Variants in MYOF observed in about 807,000 individuals in gnomAD.
MYOF encodes the protein fer-1-like 3, myoferlin.
In MYOF, 244 loss-of-function variants were observed where a neutral mutation model predicts 284.2. The observed-to-expected ratio is 0.86, with a 90% CI of 0.77 to 0.95. The LOEUF (loss-of-function observed/expected upper bound fraction) is 0.95. MYOF is among the 40% of genes least tolerant of loss of function. The pLI, the probability that MYOF is intolerant of heterozygous loss-of-function variation, is 0.00. For missense variants in MYOF, 2,496 were observed against 2,560.6 expected, an observed-to-expected ratio of 0.97 and a Z score of 0.54; for synonymous variants, 904 against 919.7, an observed-to-expected ratio of 0.98 and a Z score of 0.31.
At chr10:93,449,665 C>T (rs368680974) in intron 3 of MYOF, among the ~76,000 whole-genome samples, 2 of 152,022 alleles carry the variant, frequency 1.3e-5, no homozygotes, top group Non-Finnish European at 2.9e-5. Context: ...GGTATGTATT[C>T]ATTTATTTAG....
chr10:93,456,847 C>CT, intron 2 of MYOF, 35 bp downstream of exon 2: 1 of 1,482,056 alleles, frequency 6.7e-7, no homozygotes. Context: ...AATAGCTTAT[C>CT]TATTAAAACA....
intron 1 of MYOF, among the ~76,000 whole-genome samples, chr10:93,480,531 A>G (rs1264100097): frequency 8.3e-6 from 1 of 121,200 alleles, no homozygotes; most frequent in Non-Finnish European, 1.6e-5. Context: ...GTTGGAGTGC[A>G]GTAGCATGAT....
chr10:93,365,376 T>C (rs1845279066), intron 26 of MYOF, among the ~76,000 whole-genome samples: 1 of 152,250 alleles, frequency 6.6e-6, no homozygotes, highest in Non-Finnish European at 1.5e-5. Flanking sequence ...TCCCCCAGAC[T>C]CCAGGGGAAC....
In MYOF at chr10:93,369,749, T is replaced by C. The variant is rs750918061; in HGVS notation, c.2485A>G (p.Lys829Glu). 3.7e-6 allele frequency: 6 copies of C among 1,614,062 alleles called. No individual in the cohort carries two copies. Residue 829 changes from lysine (K) to glutamate (E), a missense_variant, in exon 25 of 54, where the codon AAG becomes GAG. This residue lies in a region of MYOF where 2,436 missense variants were observed against 2,480.7 expected (regional missense o/e 0.98). Transcript: ENST00000359263. ...KYPQEKNNGP[K>E]VPVELRVNIW... ...TTCACTCGCAACTCCACAGGCACCT[T>C]TGGCCCGTTGTTTTTCTCCTGTGGA...
intron 5 of MYOF, among the ~76,000 whole-genome samples, chr10:93,415,366 C>T (rs1477014171): frequency 1.3e-5 from 2 of 152,218 alleles, no homozygotes; most frequent in Non-Finnish European, 2.9e-5. Context: ...TTCCTGATCA[C>T]AAACTGTAAG....
chr10:93,335,126 G>A (rs1843535318), intron 41 of MYOF, among the ~76,000 whole-genome samples: 1 of 152,216 alleles, frequency 6.6e-6, no homozygotes, highest in Non-Finnish European at 1.5e-5. Context: ...TTGACAAAGA[G>A]AGTGACATTT....
At chr10:93,456,390 C>T (rs577025710) in intron 2 of MYOF, among the ~76,000 whole-genome samples, 1 of 152,206 alleles carries the variant, frequency 6.6e-6, no homozygotes, top group South Asian at 2.1e-4. Flanking sequence ...CAAAAGTTTC[C>T]ACATGAAGCA....
At chr10:93,342,088 C>T in intron 38 of MYOF, 1 of 571,264 alleles carries the variant, frequency 1.8e-6, no homozygotes, top group Non-Finnish European at 2.7e-6. Context: ...AGTGCTCAGC[C>T]CATTTGTTAA....
intron 51 of MYOF, among the ~76,000 whole-genome samples, chr10:93,312,102 G>A (rs1320579946): frequency 6.6e-6 from 1 of 152,200 alleles, no homozygotes; most frequent in Non-Finnish European, 1.5e-5. Flanking sequence ...CACCAAGGTT[G>A]TTTTTAAAAA....
chr10:93,312,972 G>T, intron 51 of MYOF, 48 bp downstream of exon 51: 2 of 1,543,606 alleles, frequency 1.3e-6, no homozygotes, highest in Non-Finnish European at 1.8e-6. Flanking sequence ...AAACCTAAAT[G>T]ATAAAAGGCA....
chr10:93,399,275 G>T, intron 13 of MYOF, 117 bp downstream of exon 13: 1 of 723,594 alleles, frequency 1.4e-6, no homozygotes, highest in Non-Finnish European at 2.3e-6. Flanking sequence ...CCCTCAGAGT[G>T]CCTGGCTCAT....
chr10:93,441,980 C>A (rs973115359), intron 3 of MYOF, among the ~76,000 whole-genome samples: 2 of 147,804 alleles, frequency 1.4e-5, no homozygotes, highest in African/African-American at 2.5e-5. Context: ...AGTTTTAGCA[C>A]CCTGGCCCTC....
intron 2 of MYOF, among the ~76,000 whole-genome samples, chr10:93,455,278 TCAAAAAAACAAAAACAAAAACAAAAAA>T (rs1356005053): frequency 6.9e-6 from 1 of 144,466 alleles, no homozygotes; most frequent in Non-Finnish European, 1.5e-5. Context: ...AAACTCCATC[TCAAAAAAACAAAAACAAAAACAAAAAA>T]CAAAAAAACA....
intron 3 of MYOF, among the ~76,000 whole-genome samples, chr10:93,436,147 G>C (rs576605023): frequency 1.3e-5 from 2 of 152,250 alleles, no homozygotes; most frequent in African/African-American, 4.8e-5. Flanking sequence ...CTCGTGCTAT[G>C]TAATACAATA....
chr10:93,433,306 C>T (rs148021872), intron 3 of MYOF, among the ~76,000 whole-genome samples: 247 of 152,218 alleles, frequency 1.6e-3, no homozygotes, highest in Non-Finnish European at 2.7e-3. Context: ...TACAGGCATG[C>T]GCCACCAAGC....
In MYOF at chr10:93,471,356, T is replaced by C. The variant is rs151207331; in HGVS notation, c.88+10751A>G. Among the ~76,000 whole-genome samples the C allele has an allele frequency of 2.4e-3, 359 of 152,252 alleles. 1 individual carries two copies. The highest frequency in any genetic ancestry group is 8.2e-3 in the African/African-American group (341 of 41,548). On this transcript the variant is annotated intron_variant, in intron 1 of 53. Transcript: ENST00000359263. ...AAGTTCTTTTGTTCTTGGTACACTT[T>C]CTTCCTTTTTCAGACTGGATCCTAA...
intron 21 of MYOF, 120 bp downstream of exon 21, chr10:93,379,743 G>T: frequency 7.9e-7 from 1 of 1,267,848 alleles, no homozygotes; most frequent in Non-Finnish European, 1.1e-6. Flanking sequence ...TAGAGACATT[G>T]CTCTTACCTT....
At chr10:93,388,118 A>G (rs1341291671) in intron 18 of MYOF, among the ~76,000 whole-genome samples, 2 of 151,422 alleles carry the variant, frequency 1.3e-5, no homozygotes. Context: ...GATCTCAAAG[A>G]GTACCTTGGG....
intron 4 of MYOF, among the ~76,000 whole-genome samples, chr10:93,428,222 A>C (rs1450581451): frequency 6.9e-6 from 1 of 144,986 alleles, no homozygotes; most frequent in Admixed American, 7.0e-5. Flanking sequence ...TTTGAGACAG[A>C]GTCTCACTCT....
Sources: gnomAD v4.1 joint callset for allele counts (sites outside exome capture counted in the v4.1 genomes callset) on GRCh38, gnomAD v4.1.1 for gene constraint, gnomAD v4.1.1 regional missense constraint, MANE v1.5 for transcripts, NCBI Gene and HGNC (gene_info 2026-07-23, HGNC 2026-07-21) for gene names.